Variants in CHRM3 observed in about 807,000 individuals in gnomAD.
The protein encoded by CHRM3 is cholinergic receptor muscarinic 3, also known as muscarinic acetylcholine receptor M3.
A neutral mutation model predicts 41.8 loss-of-function variants in CHRM3; 11 were observed. The ratio of observed to expected loss-of-function variants is 0.26; its 90% CI spans 0.17 to 0.44. The LOEUF is 0.44. Among genes scored for constraint, CHRM3 ranks in the 20% least tolerant of loss-of-function variants. The probability of loss-of-function intolerance (pLI) is 1.00; values close to 1 mark genes in which losing one functional copy is unlikely to be tolerated. For synonymous variants in CHRM3, 297 were observed against 301.4 expected (o/e 0.99, Z 0.15); for missense variants, 571 against 745.4 (o/e 0.77, Z 2.72).
chr1:239,903,479 A>G (rs1029749133), intron 6 of CHRM3, among the ~76,000 whole-genome samples: 1 of 152,236 alleles, frequency 6.6e-6, no homozygotes, highest in Non-Finnish European at 1.5e-5. Context: ...ATCTAAAGCT[A>G]GCAGTGGTTA....
intron 5 of CHRM3, among the ~76,000 whole-genome samples, chr1:239,757,720 G>A (rs1321816904): frequency 6.6e-6 from 1 of 152,032 alleles, no homozygotes; most frequent in Non-Finnish European, 1.5e-5. Context: ...TGAAGTAGAA[G>A]TTCAATAAAA....
chr1:239,868,296 C>G (rs1409514956), intron 6 of CHRM3, among the ~76,000 whole-genome samples: 1 of 152,156 alleles, frequency 6.6e-6, no homozygotes, highest in African/African-American at 2.4e-5. Flanking sequence ...GTACAAATCT[C>G]CACTGGGCAT....
chr1:239,678,861 A>C (rs989475373), intron 5 of CHRM3, among the ~76,000 whole-genome samples: 1 of 152,186 alleles, frequency 6.6e-6, no homozygotes, highest in East Asian at 1.9e-4. Flanking sequence ...ATAAAAACAA[A>C]AAATATGCTG....
chr1:239,794,387 GTTT>G lies in CHRM3; in HGVS notation c.-146-32851_-146-32849del, dbSNP rs10925977. Among the ~76,000 whole-genome samples, 1,755 of 115,274 alleles carry G rather than the reference GTTT, an allele frequency of 0.015. 55 individuals carry two copies. In the East Asian group the frequency reaches 0.16, roughly 11 times the overall value. 75.6% of individuals were successfully genotyped at this position (115,274 alleles called of 152,430 possible). The stretch of plus-strand genomic sequence containing the variant: ...TCTCCCACTTATTAATTCGTTTGTT[GTTT>G]TTTTTTTTTTTTTGTCTTTTTTCCC... On this transcript the variant is annotated intron_variant, in intron 5 of 6. Coordinates refer to ENST00000676153, the MANE Select transcript of CHRM3 (RefSeq NM_001375978.1).
At chr1:239,498,289 T>C (rs1668011261) in intron 2 of CHRM3, among the ~76,000 whole-genome samples, 2 of 152,328 alleles carry the variant, frequency 1.3e-5, no homozygotes, top group South Asian at 4.1e-4. Context: ...ATGTCTATGA[T>C]TGAGAGGTTT....
intron 5 of CHRM3, among the ~76,000 whole-genome samples, chr1:239,702,368 G>A (rs1468039781): frequency 6.6e-6 from 1 of 152,126 alleles, no homozygotes; most frequent in Non-Finnish European, 1.5e-5. Flanking sequence ...GCTGCTGTAA[G>A]TTCTGGTTTT....
chr1:239,813,903 C>A lies in CHRM3; in HGVS notation c.-146-13349C>A, dbSNP rs1389596575. Among the ~76,000 whole-genome samples, 4 of 90,628 alleles carry A rather than the reference C, an allele frequency of 4.4e-5. No individual in the cohort carries two copies. The East Asian group carries it at 8.0e-4, about 18-fold the overall frequency. The allele number at this position is 90,628 out of a possible 152,430, so 59.5% of individuals were successfully genotyped here. ...CTGCACTCCAGCCTGGGCGACAGAGCGAGACTCCGTCTCAAAAAAAAAAAA... is the reference window on the plus strand; with the variant it reads ...CTGCACTCCAGCCTGGGCGACAGAGAGAGACTCCGTCTCAAAAAAAAAAAA... On this transcript the variant is annotated intron_variant, in intron 5 of 6. Transcript: ENST00000676153.
At chr1:239,901,501 T>C (rs1273368266) in intron 6 of CHRM3, among the ~76,000 whole-genome samples, 1 of 152,192 alleles carries the variant, frequency 6.6e-6, no homozygotes, top group Non-Finnish European at 1.5e-5. Context: ...ATTAATATAC[T>C]AAAGGTGGTA....
At chr1:239,753,696 G>T (rs1009756778) in intron 5 of CHRM3, among the ~76,000 whole-genome samples, 4 of 152,126 alleles carry the variant, frequency 2.6e-5, no homozygotes, top group African/African-American at 9.7e-5. Context: ...ATATTTTGTT[G>T]ACTGACCGAA....
intron 5 of CHRM3, among the ~76,000 whole-genome samples, chr1:239,741,643 A>T (rs1198635520): frequency 1.3e-5 from 2 of 151,826 alleles, no homozygotes; most frequent in Non-Finnish European, 2.9e-5. Flanking sequence ...TCCACCACTG[A>T]AGTCAGTCAA....
At chr1:239,686,825 C>T (rs2149123415) in intron 5 of CHRM3, among the ~76,000 whole-genome samples, 1 of 152,302 alleles carries the variant, frequency 6.6e-6, no homozygotes, top group Admixed American at 6.5e-5. Flanking sequence ...GAAAGATCAG[C>T]AGAGAGTTTC....
intron 5 of CHRM3, among the ~76,000 whole-genome samples, chr1:239,802,252 C>T (rs1670280675): frequency 1.3e-5 from 2 of 152,164 alleles, no homozygotes; most frequent in Non-Finnish European, 2.9e-5. Context: ...TCTCTCTCTC[C>T]TTCAAGCTAA....
rs563213316 is a variant in CHRM3, at chr1:239,888,227, C to G, written c.-19-19206C>G. On this transcript the variant is annotated intron_variant, in intron 6 of 6. Coordinates refer to ENST00000676153, the MANE Select transcript of CHRM3 (RefSeq NM_001375978.1). ...AAAAGAATGCAAAAAAGTAGCCAGG[C>G]ATGGTGGTGCACACCTGTAGATCCA... Among the ~76,000 whole-genome samples, 13 of 152,134 alleles carry G rather than the reference C, an allele frequency of 8.5e-5. 1 individual carries two copies. Among genetic ancestry groups the G allele is most frequent in the African/African-American group, 3.1e-4 (13 of 41,504 alleles).
intron 6 of CHRM3, among the ~76,000 whole-genome samples, chr1:239,838,101 T>C (rs1220029978): frequency 1.3e-5 from 2 of 152,122 alleles, no homozygotes; most frequent in Non-Finnish European, 2.9e-5. Context: ...GGCCAGGACA[T>C]GTAAAAATGG....
At chr1:239,856,617 A>G (rs1174209928) in intron 6 of CHRM3, among the ~76,000 whole-genome samples, 1 of 152,164 alleles carries the variant, frequency 6.6e-6, no homozygotes, top group Admixed American at 6.5e-5. Context: ...TTACAATGTG[A>G]GAATGGACTA....
At chr1:239,471,248 T>C (rs1264574262) in intron 1 of CHRM3, among the ~76,000 whole-genome samples, 1 of 152,206 alleles carries the variant, frequency 6.6e-6, no homozygotes, top group Non-Finnish European at 1.5e-5. Flanking sequence ...CTTTTTCTTT[T>C]TGTATCAAAA....
intron 6 of CHRM3, among the ~76,000 whole-genome samples, chr1:239,856,176 C>T (rs576200015): frequency 2.0e-5 from 3 of 152,278 alleles, no homozygotes; most frequent in Non-Finnish European, 4.4e-5. Flanking sequence ...ATTTGTACAA[C>T]CATGAATCAG....
intron 5 of CHRM3, among the ~76,000 whole-genome samples, chr1:239,765,448 T>A (rs1667126208): frequency 6.6e-6 from 1 of 152,206 alleles, no homozygotes; most frequent in Non-Finnish European, 1.5e-5. Context: ...ATGCTAATTG[T>A]TTATAGCAAC....
intron 6 of CHRM3, among the ~76,000 whole-genome samples, chr1:239,869,007 A>C (rs1676351584): frequency 6.6e-6 from 1 of 152,158 alleles, no homozygotes; most frequent in East Asian, 1.9e-4. Flanking sequence ...GTACCAGTGA[A>C]TACTGGGAGT....
Sources: gnomAD v4.1 joint callset for allele counts (sites outside exome capture counted in the v4.1 genomes callset) on GRCh38, gnomAD v4.1.1 for gene constraint, MANE v1.5 for transcripts, NCBI Gene and HGNC (gene_info 2026-07-23, HGNC 2026-07-21) for gene names.